The following EHBP1 variants were observed in gnomAD, a reference collection of about 807,000 sequenced individuals.
The protein encoded by EHBP1 is EH domain binding protein 1, also known as EH domain-binding protein 1.
Under a neutral mutation model 144.0 loss-of-function variants are expected in EHBP1, and 55 were observed. The ratio of observed to expected loss-of-function variants is 0.38; its 90% CI spans 0.31 to 0.48. EHBP1 has a LOEUF of 0.48. EHBP1 is among the 20% of genes least tolerant of loss of function. EHBP1 has a pLI of 0.98. For missense variants in EHBP1, 1,200 were observed against 1,364.2 expected, an observed-to-expected ratio of 0.88 and a Z score of 1.90; for synonymous variants, 469 against 472.7, an observed-to-expected ratio of 0.99 and a Z score of 0.10.
In EHBP1 at chr2:63,045,651, C is replaced by G. The variant is rs918762721; in HGVS notation, c.*151C>G. The G allele has an allele frequency of 1.6e-6, 1 of 619,992 alleles. No homozygotes were observed. The highest frequency in any genetic ancestry group is 1.8e-5 in the African/African-American group (1 of 54,108). The allele number at this position is 619,992 out of a possible 1,614,324, so 38.4% of individuals were successfully genotyped here. ...CTACTTTACCACCACCACCCTTTTC[C>G]TCCCTCCTTTCCAAATAATATACAG... On this transcript the variant is annotated 3_prime_UTR_variant, in exon 23 of 23. Coordinates refer to ENST00000431489, the MANE Select transcript of EHBP1 (RefSeq NM_001142616.3). This position sits in a 1 kb window ranked among gnomAD's most constrained non-coding sequence, Gnocchi z 5.7.
At chr2:62,708,154 T>G (rs2034778734) in intron 2 of EHBP1, among the ~76,000 whole-genome samples, 1 of 152,224 alleles carries the variant, frequency 6.6e-6, no homozygotes, top group African/African-American at 2.4e-5. Flanking sequence ...TAATTTTTCT[T>G]TTTAACATCC....
At chr2:62,785,067 A>G (rs2042708969) in intron 5 of EHBP1, among the ~76,000 whole-genome samples, 1 of 151,972 alleles carries the variant, frequency 6.6e-6, no homozygotes, top group South Asian at 2.1e-4. Flanking sequence ...TACATTTTAT[A>G]TTATGATCTA....
chr2:62,871,390 A>G (rs1362522665), intron 9 of EHBP1, among the ~76,000 whole-genome samples: 1 of 152,212 alleles, frequency 6.6e-6, no homozygotes, highest in Non-Finnish European at 1.5e-5. Flanking sequence ...AGAGTGTTCT[A>G]ACTTGCTCAA....
intron 1 of EHBP1, among the ~76,000 whole-genome samples, chr2:62,692,110 T>C (rs942795439): frequency 3.9e-5 from 6 of 152,200 alleles, no homozygotes; most frequent in Non-Finnish European, 8.8e-5. Context: ...TACGGACATT[T>C]CATATAAAAG....
chr2:63,029,641 A>G (rs889682236), intron 19 of EHBP1, among the ~76,000 whole-genome samples: 3 of 152,136 alleles, frequency 2.0e-5, no homozygotes, highest in African/African-American at 7.2e-5. Flanking sequence ...CATTATCCAT[A>G]TAGAGATGAA....
chr2:62,725,657 T>C (rs1313025082), intron 2 of EHBP1, among the ~76,000 whole-genome samples: 1 of 152,116 alleles, frequency 6.6e-6, no homozygotes, highest in East Asian at 1.9e-4. Context: ...GAGGCTCCCA[T>C]TGAAATATGG....
chr2:62,708,152 C>G (rs1201345610), intron 2 of EHBP1, among the ~76,000 whole-genome samples: 2 of 152,002 alleles, frequency 1.3e-5, no homozygotes. Context: ...AATAATTTTT[C>G]TTTTTAACAT....
At chr2:62,767,811 G>T (rs552290290) in intron 4 of EHBP1, among the ~76,000 whole-genome samples, 5,575 of 146,374 alleles carry the variant, frequency 0.038, 177 homozygotes, top group Non-Finnish European at 0.059. Context: ...ACTGCAGCCT[G>T]GACAGCAGAG....
chr2:63,019,600 G>A (rs2060617877), intron 19 of EHBP1, among the ~76,000 whole-genome samples: 1 of 151,730 alleles, frequency 6.6e-6, no homozygotes. Context: ...CCAGCTACTC[G>A]GGAGGCTGAG....
intron 5 of EHBP1, among the ~76,000 whole-genome samples, chr2:62,818,797 C>T (rs1183980134): frequency 1.3e-5 from 2 of 151,688 alleles, no homozygotes; most frequent in Non-Finnish European, 2.9e-5. Context: ...CATTTGGGAA[C>T]AAAGGAGAAA....
Position 62,782,927 on chromosome 2 carries a change from C to T in EHBP1, c.312+11535C>T, listed in dbSNP as rs6757694. ...AAAAGTCTAAGTCCAAAGTTTTATC[C>T]GAGACAAGGCAAGTCCCTTCCACCT... On this transcript the variant is annotated intron_variant, in intron 5 of 22. Coordinates refer to ENST00000431489, the MANE Select transcript of EHBP1 (RefSeq NM_001142616.3). Among the ~76,000 whole-genome samples, 1,408 of 152,154 alleles carry T rather than the reference C, an allele frequency of 9.3e-3. 22 individuals carry two copies. The highest frequency in any genetic ancestry group is 0.029 in the African/African-American group (1,220 of 41,500).
chr2:62,889,716 G>A (rs1181142356), intron 10 of EHBP1, among the ~76,000 whole-genome samples: 2 of 152,032 alleles, frequency 1.3e-5, no homozygotes, highest in African/African-American at 2.4e-5. Flanking sequence ...TAAGGATGTG[G>A]CCTCATTTCT....
intron 2 of EHBP1, among the ~76,000 whole-genome samples, chr2:62,734,575 A>C (rs1054300239): frequency 8.5e-5 from 13 of 152,214 alleles, no homozygotes; most frequent in African/African-American, 2.9e-4. Flanking sequence ...TATGGAAAAC[A>C]TACAATTGGG....
At chr2:62,889,912 G>C (rs1347164631) in intron 10 of EHBP1, among the ~76,000 whole-genome samples, 5 of 151,010 alleles carry the variant, frequency 3.3e-5, no homozygotes, top group African/African-American at 1.2e-4. Context: ...TTTTTGCTTA[G>C]GATTGCCTTC....
intron 5 of EHBP1, among the ~76,000 whole-genome samples, chr2:62,787,890 A>G (rs758954944): frequency 1.3e-5 from 2 of 152,202 alleles, no homozygotes; most frequent in African/African-American, 2.4e-5. Flanking sequence ...GAACTATCCA[A>G]TTTTAATATA....
chr2:62,974,920 C>T (rs547391079), intron 14 of EHBP1, among the ~76,000 whole-genome samples: 10 of 151,764 alleles, frequency 6.6e-5, no homozygotes, highest in East Asian at 1.9e-4. Context: ...AACTTAGTGA[C>T]GTAAAAAAAA....
Position 63,037,635 on chromosome 2 carries a change from G to GT in EHBP1, c.3203+2dup. 2 of 1,545,122 alleles carry GT rather than the reference G, an allele frequency of 1.3e-6. No individual in the cohort carries two copies. The highest frequency in any genetic ancestry group is 1.8e-6 in the Non-Finnish European group (2 of 1,128,230). On this transcript the variant is annotated splice_donor_variant, in intron 20 of 22. Coordinates refer to ENST00000431489, the MANE Select transcript of EHBP1 (RefSeq NM_001142616.3). LOFTEE classifies it high-confidence loss of function. ...GGAGAATGAATCAGCTCTCTCTTCT[G>GT]TAAGTACTCATCATTATGCTTGTTT...
intron 5 of EHBP1, among the ~76,000 whole-genome samples, chr2:62,796,229 G>A (rs1451280601): frequency 6.6e-6 from 1 of 152,018 alleles, no homozygotes; most frequent in African/African-American, 2.4e-5. Flanking sequence ...TACAGAGCTT[G>A]TTTGGGACTC....
At chr2:62,941,928 A>G (rs1240310722) in intron 10 of EHBP1, among the ~76,000 whole-genome samples, 1 of 152,102 alleles carries the variant, frequency 6.6e-6, no homozygotes, top group Non-Finnish European at 1.5e-5. Flanking sequence ...TAATAATAAA[A>G]CTTTAGAATA....
Sources: gnomAD v4.1 joint callset for allele counts (sites outside exome capture counted in the v4.1 genomes callset) on GRCh38, gnomAD v4.1.1 for gene constraint, Gnocchi (gnomAD v3.1) non-coding constraint, MANE v1.5 for transcripts, NCBI Gene and HGNC (gene_info 2026-07-23, HGNC 2026-07-21) for gene names.